APP: variants seen among roughly 807,000 people sequenced by gnomAD.
APP encodes the protein amyloid beta precursor protein.
APP carries 31 observed loss-of-function variants against 101.4 expected under a neutral mutation model. The ratio of observed to expected loss-of-function variants is 0.31; its 90% CI spans 0.23 to 0.41. APP has a LOEUF of 0.41. APP is among the 10% of genes least tolerant of loss of function. APP has a pLI of 1.00. For missense variants in APP, 839 were observed against 1,003.7 expected (o/e 0.84, Z 2.22); for synonymous variants, 366 against 364.4 (o/e 1.00, Z -0.05).
intron 1 of APP, among the ~76,000 whole-genome samples, chr21:26,129,179 AT>A (rs2062742558): frequency 6.6e-6 from 1 of 152,192 alleles, no homozygotes; most frequent in Non-Finnish European, 1.5e-5. Context: ...GCAGTGTAAA[AT>A]TCCAGGTCTT....
chr21:26,080,883 C>A (rs2061585020), intron 3 of APP, among the ~76,000 whole-genome samples: 1 of 151,988 alleles, frequency 6.6e-6, no homozygotes, highest in African/African-American at 2.4e-5. Flanking sequence ...TTTACCGCTA[C>A]TGAGTTGGTC....
At chr21:26,047,160 T>C (rs1377541770) in intron 5 of APP, among the ~76,000 whole-genome samples, 1 of 152,194 alleles carries the variant, frequency 6.6e-6, no homozygotes, top group Non-Finnish European at 1.5e-5. Context: ...TCTTTTTCAA[T>C]GAGGTCATAA....
intron 3 of APP, among the ~76,000 whole-genome samples, chr21:26,078,986 T>C (rs1601405980): frequency 6.9e-6 from 1 of 144,400 alleles, no homozygotes; most frequent in African/African-American, 2.6e-5. Context: ...GAGGTTGGGG[T>C]GAGCTGAGAT....
At chr21:26,045,425 G>A (rs2045567501) in intron 5 of APP, among the ~76,000 whole-genome samples, 1 of 152,188 alleles carries the variant, frequency 6.6e-6, no homozygotes. Flanking sequence ...GCTCATTTCA[G>A]AAATCCATAC....
In APP at chr21:25,958,955, T is replaced by C. The variant is rs146426434; in HGVS notation, c.1459-3200A>G. ...GGTGAGGCATGAAGCACAAAGGAGA[T>C]TGTGGTTACATAGGCTACATCCCTG... On this transcript the variant is annotated intron_variant, in intron 11 of 17. Transcript: ENST00000346798. Among the ~76,000 whole-genome samples, 8 of 139,312 alleles carry C rather than the reference T, an allele frequency of 5.7e-5. No homozygotes were observed. In the East Asian group the frequency reaches 1.1e-3, roughly 19 times the overall value. 91.4% of individuals were successfully genotyped at this position (139,312 alleles called of 152,430 possible). A position where few individuals can be genotyped will look rare whatever the true frequency, so the allele number is the denominator to read the frequency against.
chr21:26,040,971 CT>C (rs1214942520), intron 5 of APP, among the ~76,000 whole-genome samples: 2 of 152,194 alleles, frequency 1.3e-5, no homozygotes, highest in Non-Finnish European at 2.9e-5. Context: ...AAAAGTGTTA[CT>C]TTGTAAACAG....
intron 11 of APP, among the ~76,000 whole-genome samples, chr21:25,960,316 A>G (rs1295132921): frequency 6.6e-6 from 1 of 152,130 alleles, no homozygotes; most frequent in African/African-American, 2.4e-5. Flanking sequence ...GTCTCCTGCT[A>G]AATCAGGGAG....
intron 16 of APP, among the ~76,000 whole-genome samples, chr21:25,895,680 A>C (rs1022457982): frequency 1.3e-5 from 2 of 152,194 alleles, no homozygotes; most frequent in Non-Finnish European, 2.9e-5. Flanking sequence ...TAGCAAATGA[A>C]GCAACTTCTA....
chr21:26,159,836 T>C (rs963437042), intron 1 of APP, among the ~76,000 whole-genome samples: 1 of 152,192 alleles, frequency 6.6e-6, no homozygotes, highest in Non-Finnish European at 1.5e-5. Context: ...CCCTACAATA[T>C]GACCCAGAAA....
At chr21:25,928,476 G>C (rs1168332974) in intron 13 of APP, among the ~76,000 whole-genome samples, 2 of 152,088 alleles carry the variant, frequency 1.3e-5, no homozygotes, top group Non-Finnish European at 2.9e-5. Context: ...TTGTTTTGAG[G>C]AAACGTACAG....
intron 17 of APP, among the ~76,000 whole-genome samples, chr21:25,883,048 G>A (rs1185652846): frequency 6.6e-6 from 1 of 152,128 alleles, no homozygotes; most frequent in South Asian, 2.1e-4. Context: ...ATGAGGTCTC[G>A]AGATGGAGCT....
intron 13 of APP, among the ~76,000 whole-genome samples, chr21:25,931,448 A>G (rs1438692209): frequency 2.0e-5 from 3 of 152,248 alleles, no homozygotes; most frequent in Non-Finnish European, 2.9e-5. Flanking sequence ...TGAGTATGCA[A>G]TTAGCAAAAT....
At chr21:26,106,866 A>G (rs1453566290) in intron 2 of APP, among the ~76,000 whole-genome samples, 2 of 152,192 alleles carry the variant, frequency 1.3e-5, no homozygotes, top group Non-Finnish European at 2.9e-5. Flanking sequence ...TTTTCCTGCA[A>G]TGGACTACAA....
chr21:25,907,254 C>G (rs1212162873), intron 14 of APP, among the ~76,000 whole-genome samples: 1 of 152,066 alleles, frequency 6.6e-6, no homozygotes, highest in African/African-American at 2.4e-5. Context: ...GACATAAACC[C>G]TAATCTGCTT....
intron 1 of APP, among the ~76,000 whole-genome samples, chr21:26,128,438 A>C (rs1432186317): frequency 6.6e-6 from 1 of 152,124 alleles, no homozygotes; most frequent in Non-Finnish European, 1.5e-5. Context: ...CACAGTATTA[A>C]ATTTGTTTCT....
intron 1 of APP, among the ~76,000 whole-genome samples, chr21:26,139,464 T>C (rs1480513103): frequency 6.6e-6 from 1 of 152,220 alleles, no homozygotes; most frequent in South Asian, 2.1e-4. Flanking sequence ...CTCAAGGTTT[T>C]GTTAAATAGA....
chr21:26,128,835 T>C (rs1448963651), intron 1 of APP, among the ~76,000 whole-genome samples: 1 of 152,196 alleles, frequency 6.6e-6, no homozygotes, highest in Non-Finnish European at 1.5e-5. Context: ...TGCTTGGAAC[T>C]GAATTTGAAA....
At chr21:25,926,356 T>C (rs1355260639) in intron 13 of APP, among the ~76,000 whole-genome samples, 1 of 152,150 alleles carries the variant, frequency 6.6e-6, no homozygotes. Flanking sequence ...AGCAGCTGAT[T>C]TGGGAGAGAA....
rs201462552 is a variant in APP, at chr21:26,000,031, G to A, written c.1017C>T (p.Ala339=). The change falls in exon 7 of 18, where the codon GCC becomes GCT. Residue 339 remains alanine (A), a synonymous_variant. Transcript: ENST00000346798. ...NNFDTEEYCM[A]VCGSAMSQSL... ...TCCACTTACTGGCGCTGCCACACAC[G>A]GCCATGCAGTACTCTTCTGTGTCAA... The A allele has an allele frequency of 6.4e-5, 104 of 1,613,960 alleles. No individual in the cohort carries two copies. The highest frequency in any genetic ancestry group is 8.1e-5 in the Non-Finnish European group (96 of 1,180,016).
Sources: allele counts gnomAD v4.1 joint callset (sites outside exome capture counted in the v4.1 genomes callset), GRCh38; gene constraint gnomAD v4.1.1; transcripts MANE v1.5; gene names NCBI Gene and HGNC (gene_info 2026-07-23, HGNC 2026-07-21).